Variants in CACNA1E observed in about 807,000 individuals in gnomAD.
The protein encoded by CACNA1E is calcium voltage-gated channel subunit alpha1 E, also known as voltage-dependent R-type calcium channel subunit alpha-1E.
A neutral mutation model predicts 259.2 loss-of-function variants in CACNA1E; 40 were observed. The observed-to-expected ratio is 0.15, with a 90% CI of 0.12 to 0.20. CACNA1E has a LOEUF of 0.20. Ranked by LOEUF, CACNA1E falls within the 10% of genes least tolerant of loss-of-function variation. The pLI is 1.00. For missense variants in CACNA1E, 1,874 were observed against 3,040.1 expected, an observed-to-expected ratio of 0.62 and a Z score of 9.02; for synonymous variants, 1,104 against 1,138.5, an observed-to-expected ratio of 0.97 and a Z score of 0.61.
Position 181,766,528 on chromosome 1 carries a change from T to C in CACNA1E, c.4816-18T>C, listed in dbSNP as rs747482778. Reference sequence around the variant, plus strand: ...CTGCTTTTCTTTGATTAACGTCTTATCTCTGCTTTCCTTCCAGGCCCTCCC... The same window carrying C: ...CTGCTTTTCTTTGATTAACGTCTTACCTCTGCTTTCCTTCCAGGCCCTCCC... On this transcript the variant is annotated intron_variant, in intron 34 of 47. Transcript: ENST00000367573. The C allele has an allele frequency of 2.5e-6, 4 of 1,599,324 alleles. No individual in the cohort carries two copies. In the East Asian group the frequency reaches 6.7e-5, roughly 27 times the overall value.
chr1:181,773,503 A>G (rs1659706882), intron 37 of CACNA1E, among the ~76,000 whole-genome samples: 1 of 152,242 alleles, frequency 6.6e-6, no homozygotes, highest in African/African-American at 2.4e-5. Flanking sequence ...ATACAACAGT[A>G]TCTTATTTAC....
At chr1:181,783,251 A>G (rs1432430377) in intron 39 of CACNA1E, among the ~76,000 whole-genome samples, 2 of 152,226 alleles carry the variant, frequency 1.3e-5, no homozygotes, top group Non-Finnish European at 2.9e-5. Flanking sequence ...TATGAGTTTC[A>G]GGGGGTATTC....
At chr1:181,493,825 G>T (rs776918860) in intron 1 of CACNA1E, among the ~76,000 whole-genome samples, 1 of 152,236 alleles carries the variant, frequency 6.6e-6, no homozygotes, top group South Asian at 2.1e-4. Flanking sequence ...GAAAGCTTAA[G>T]CTCCCCTTTG....
chr1:181,433,768 A>G (rs1017588253), intron 2 of CACNA1E, among the ~76,000 whole-genome samples: 2 of 152,160 alleles, frequency 1.3e-5, no homozygotes, highest in African/African-American at 4.8e-5. Context: ...GAGCGTTATA[A>G]CAATATCATT....
intron 1 of CACNA1E, among the ~76,000 whole-genome samples, chr1:181,333,556 C>G (rs1161054857): frequency 6.6e-6 from 1 of 152,204 alleles, no homozygotes; most frequent in Non-Finnish European, 1.5e-5. Flanking sequence ...CAGATATAGC[C>G]CAAGGGCCAT....
chr1:181,439,942 G>A (rs1660343720), intron 2 of CACNA1E, among the ~76,000 whole-genome samples: 1 of 152,152 alleles, frequency 6.6e-6, no homozygotes, highest in South Asian at 2.1e-4. Context: ...CACCAAGATG[G>A]CCAGAAGGCT....
rs12060656 is a variant in CACNA1E, at chr1:181,337,810, A to G, written c.-15+19687A>G. Among the ~76,000 whole-genome samples, 849 of 152,350 alleles carry G rather than the reference A, an allele frequency of 5.6e-3. 9 individuals are homozygous for G. The highest frequency in any genetic ancestry group is 0.02 in the African/African-American group (818 of 41,576). ...TGTCTTAACTATTGTGCATAATGCT[A>G]CAGTGAACATGAAAGTGCAAATATC... On this transcript the variant is annotated intron_variant, in intron 1 of 11. Transcript: ENST00000524607.
chr1:181,565,016 A>G (rs1004932399), intron 3 of CACNA1E, among the ~76,000 whole-genome samples: 5 of 152,134 alleles, frequency 3.3e-5, no homozygotes, highest in Admixed American at 2.6e-4. Context: ...TAGATTTAGC[A>G]TAATTTTTAA....
intron 16 of CACNA1E, among the ~76,000 whole-genome samples, chr1:181,722,303 T>G (rs1654484784): frequency 6.6e-6 from 1 of 152,218 alleles, no homozygotes; most frequent in African/African-American, 2.4e-5. Context: ...CTATTACTGC[T>G]AATTATAGCA....
At chr1:181,337,927 G>A (rs1651839612) in intron 1 of CACNA1E, among the ~76,000 whole-genome samples, 1 of 152,078 alleles carries the variant, frequency 6.6e-6, no homozygotes, top group African/African-American at 2.4e-5. Context: ...TTTTTTTGAG[G>A]AACATCCATG....
At chr1:181,751,144 G>A (rs1160623039) in intron 26 of CACNA1E, among the ~76,000 whole-genome samples, 1 of 152,152 alleles carries the variant, frequency 6.6e-6, no homozygotes, top group Non-Finnish European at 1.5e-5. Flanking sequence ...ACTATTTAGA[G>A]TCTTGTTTTC....
intron 37 of CACNA1E, among the ~76,000 whole-genome samples, chr1:181,774,309 T>G (rs1168975085): frequency 6.6e-6 from 1 of 152,218 alleles, no homozygotes; most frequent in Non-Finnish European, 1.5e-5. Flanking sequence ...TTCTGTCTCT[T>G]GTAAGTGAAA....
intron 2 of CACNA1E, among the ~76,000 whole-genome samples, chr1:181,447,210 T>C (rs766358982): frequency 2.6e-4 from 40 of 151,854 alleles, no homozygotes; most frequent in Non-Finnish European, 4.6e-4. Flanking sequence ...TTTCCCCCCC[T>C]ATAAAAATAG....
rs74883369 is a variant in CACNA1E at position 181,631,705 on chromosome 1, G to T, written c.952-19633G>T. 2.6e-3 allele frequency among the ~76,000 whole-genome samples: 393 copies of T among 152,288 alleles called. 4 individuals carry two copies. Among genetic ancestry groups the T allele is most frequent in the East Asian group, 3.3e-3 (17 of 5,176 alleles). On this transcript the variant is annotated intron_variant, in intron 6 of 47. Coordinates refer to ENST00000367573, the MANE Select transcript of CACNA1E (RefSeq NM_001205293.3). ...GGAGCACCTGAGGGAGGAAGAGGAG[G>T]AGATAGATCTTCAGCTTCCAGGGAT... is the stretch of plus-strand genomic sequence containing the variant.
At chr1:181,712,849 G>T (rs752189287) in intron 8 of CACNA1E, among the ~76,000 whole-genome samples, 4 of 152,084 alleles carry the variant, frequency 2.6e-5, no homozygotes, top group African/African-American at 9.7e-5. Flanking sequence ...GAAGGAGCCC[G>T]CCCAGCCTTG....
chr1:181,585,774 G>A (rs936302805), intron 6 of CACNA1E, among the ~76,000 whole-genome samples: 1 of 152,156 alleles, frequency 6.6e-6, no homozygotes, highest in African/African-American at 2.4e-5. Flanking sequence ...GGACGGGCTG[G>A]GTGTATTTGA....
At chr1:181,411,727 A>T (rs1222950695) in intron 1 of CACNA1E, among the ~76,000 whole-genome samples, 1 of 152,138 alleles carries the variant, frequency 6.6e-6, no homozygotes, top group African/African-American at 2.4e-5. Flanking sequence ...CTCCTGTCTC[A>T]GCCTCCCAAG....
intron 7 of CACNA1E, among the ~76,000 whole-genome samples, chr1:181,691,986 C>A (rs3908960): frequency 0.12 from 17,632 of 152,008 alleles, 1,083 homozygotes; most frequent in Middle Eastern, 0.16. Context: ...ATACAAAATC[C>A]ATATAAAATT....
intron 1 of CACNA1E, among the ~76,000 whole-genome samples, chr1:181,509,437 C>T (rs1665987103): frequency 1.3e-5 from 2 of 152,172 alleles, no homozygotes; most frequent in Non-Finnish European, 1.5e-5. Context: ...TCCACTTTGC[C>T]AGATCTACGG....
Sources: allele counts gnomAD v4.1 joint callset (sites outside exome capture counted in the v4.1 genomes callset), GRCh38; gene constraint gnomAD v4.1.1; transcripts MANE v1.5; gene names NCBI Gene and HGNC (gene_info 2026-07-23, HGNC 2026-07-21).